The following RANBP2 variants were observed in gnomAD, a reference collection of about 807,000 sequenced individuals.
RANBP2 encodes RAN binding protein 2, also known as E3 SUMO-protein ligase RanBP2.
A neutral mutation model predicts 303.6 loss-of-function variants in RANBP2; 57 were observed. That is an observed-to-expected ratio of 0.19 (90% confidence interval 0.15 to 0.23). The LOEUF is 0.23. Ranked by LOEUF, RANBP2 falls within the 10% of genes least tolerant of loss-of-function variation. The probability of loss-of-function intolerance (pLI) is 1.00; values close to 1 mark genes in which losing one functional copy is unlikely to be tolerated. For synonymous variants in RANBP2, 1,167 were observed against 1,301.5 expected (o/e 0.90, Z 2.23); for missense variants, 3,138 against 3,780.8 (o/e 0.83, Z 4.46).
At chr2:109,096,399 T>C in the RANBP2 span, among the ~76,000 whole-genome samples, 2 of 152,252 alleles carry the variant, frequency 1.3e-5, no homozygotes, top group Non-Finnish European at 2.9e-5. Flanking sequence ...TAAATTATTG[T>C]GTGCCACAGA....
At chr2:109,173,026 T>C in the RANBP2 span, among the ~76,000 whole-genome samples, 1 of 152,268 alleles carries the variant, frequency 6.6e-6, no homozygotes, top group African/African-American at 2.4e-5. Flanking sequence ...AAAGTCTGTG[T>C]TGGTCATCCC....
chr2:108,901,842 G>A, the RANBP2 span, among the ~76,000 whole-genome samples: 3 of 152,320 alleles, frequency 2.0e-5, no homozygotes, highest in East Asian at 1.9e-4. Flanking sequence ...GGTGGCTCAC[G>A]CCTGTAATCC....
At chr2:108,761,514 C>T (rs889542110) in intron 18 of RANBP2, among the ~76,000 whole-genome samples, 1 of 152,152 alleles carries the variant, frequency 6.6e-6, no homozygotes, top group African/African-American at 2.4e-5. Context: ...GTAAAACACA[C>T]AAAACAGAGG....
At chr2:109,507,078 C>G in the RANBP2 span, among the ~76,000 whole-genome samples, 1 of 152,316 alleles carries the variant, frequency 6.6e-6, no homozygotes, top group South Asian at 2.1e-4. Context: ...CGGCTCTGAG[C>G]TCTACCTAGG....
At chr2:108,787,131 TC>T (rs1166582646), downstream of RANBP2, among the ~76,000 whole-genome samples, 1 of 152,216 alleles carries the variant, frequency 6.6e-6, no homozygotes, top group Non-Finnish European at 1.5e-5. Context: ...GCCTCTGTGT[TC>T]CTGGTATACT....
the RANBP2 span, among the ~76,000 whole-genome samples, chr2:109,636,304 C>A: frequency 6.6e-6 from 1 of 152,008 alleles, no homozygotes. Flanking sequence ...GAAGAGCATA[C>A]CAAGATTTTT....
the RANBP2 span, among the ~76,000 whole-genome samples, chr2:109,538,556 G>A: frequency 3.0e-3 from 454 of 152,304 alleles, 2 homozygotes; most frequent in South Asian, 0.022. Context: ...TCACTCTGTC[G>A]TCCAGGCCAG....
chr2:109,740,072 T>C, the RANBP2 span, among the ~76,000 whole-genome samples: 1 of 146,858 alleles, frequency 6.8e-6, no homozygotes, highest in Non-Finnish European at 1.5e-5. Flanking sequence ...CTGCAATCTC[T>C]GCCTTCTGAG....
At chr2:109,075,015 G>T in the RANBP2 span, among the ~76,000 whole-genome samples, 1 of 87,382 alleles carries the variant, frequency 1.1e-5, no homozygotes, top group Non-Finnish European at 2.0e-5. Context: ...GACAGAGCGA[G>T]TCTCCATCTC....
the RANBP2 span, among the ~76,000 whole-genome samples, chr2:109,055,758 CAT>C: frequency 8.6e-4 from 78 of 90,532 alleles, no homozygotes; most frequent in African/African-American, 3.4e-3. Flanking sequence ...ACAGCTCTAA[CAT>C]TTTTTTTTTT....
At chr2:109,273,201 G>C in the RANBP2 span, among the ~76,000 whole-genome samples, 1 of 152,340 alleles carries the variant, frequency 6.6e-6, no homozygotes, top group South Asian at 2.1e-4. Flanking sequence ...TCCTAGGCCT[G>C]TCCTGAGAAT....
the RANBP2 span, among the ~76,000 whole-genome samples, chr2:109,619,473 C>G: frequency 6.6e-6 from 1 of 152,176 alleles, no homozygotes; most frequent in Non-Finnish European, 1.5e-5. Flanking sequence ...ATTACCTCAT[C>G]AAGGCTTCCT....
the RANBP2 span, among the ~76,000 whole-genome samples, chr2:109,445,397 G>A: frequency 6.6e-6 from 1 of 152,114 alleles, no homozygotes; most frequent in Non-Finnish European, 1.5e-5. Flanking sequence ...TAAACTTAAA[G>A]CATCAAAGGA....
chr2:108,859,840 A>G, the RANBP2 span, among the ~76,000 whole-genome samples: 1 of 152,066 alleles, frequency 6.6e-6, no homozygotes, highest in Admixed American at 6.6e-5. Context: ...TCTGTGAAGA[A>G]TAATGTTGGT....
At chr2:109,748,040 C>T in the RANBP2 span, among the ~76,000 whole-genome samples, 1 of 35,774 alleles carries the variant, frequency 2.8e-5, no homozygotes, top group African/African-American at 1.4e-4. Flanking sequence ...TTTTTTGAGG[C>T]GGAGTCTCGC....
At chr2:109,063,590 T>G in the RANBP2 span, among the ~76,000 whole-genome samples, 4 of 152,270 alleles carry the variant, frequency 2.6e-5, no homozygotes, top group East Asian at 5.8e-4. Flanking sequence ...GCTGTAGAAC[T>G]GGCATTGGAA....
At chr2:108,815,906 G>A in the RANBP2 span, 3 of 1,549,102 alleles carry the variant, frequency 1.9e-6, no homozygotes, top group East Asian at 2.3e-5. Context: ...ATGAAGTTGT[G>A]AACTGAAATA....
chr2:108,908,828 C>T, the RANBP2 span, among the ~76,000 whole-genome samples: 2 of 152,204 alleles, frequency 1.3e-5, no homozygotes, highest in Admixed American at 6.5e-5. Context: ...AACTAGGTTA[C>T]AGCAGTGAAG....
the RANBP2 span, among the ~76,000 whole-genome samples, chr2:109,156,473 T>G: frequency 1.3e-5 from 2 of 151,972 alleles, no homozygotes; most frequent in African/African-American, 4.8e-5. Flanking sequence ...GAGATGAAGT[T>G]TTGCTCTTGT....
Sources: allele counts gnomAD v4.1 joint callset (sites outside exome capture counted in the v4.1 genomes callset), GRCh38; gene constraint gnomAD v4.1.1; transcripts MANE v1.5; gene names NCBI Gene and HGNC (gene_info 2026-07-23, HGNC 2026-07-21).